CPQ: variants seen among roughly 807,000 people sequenced by gnomAD.
The protein encoded by CPQ is Ser-Met dipeptidase.
A neutral mutation model predicts 45.7 loss-of-function variants in CPQ; 37 were observed. The observed-to-expected ratio is 0.81, with a 90% CI of 0.62 to 1.07. The LOEUF is 1.07. Ranked by LOEUF, CPQ falls within the 50% of genes least tolerant of loss-of-function variation. The pLI is 0.00. For synonymous variants in CPQ, 186 were observed against 205.8 expected (o/e 0.90, Z 0.82); for missense variants, 537 against 572.9 (o/e 0.94, Z 0.64).
intron 1 of CPQ, among the ~76,000 whole-genome samples, chr8:96,664,780 T>G (rs766638451): frequency 1.3e-5 from 2 of 152,186 alleles, no homozygotes; most frequent in Non-Finnish European, 2.9e-5. Context: ...TTTGTGTGGA[T>G]AGAAGTACAA....
chr8:96,785,331 G>T lies in CPQ; in HGVS notation c.433+1G>T. The T allele has an allele frequency of 6.3e-7, 1 of 1,578,592 alleles. No homozygotes were observed. Among genetic ancestry groups the T allele is most frequent in the Non-Finnish European group, 8.6e-7 (1 of 1,161,946 alleles). ...AGCAGCATTGGGACTCCTCCAGAAG[G>T]TATTGTTTGTCTTTTCAGTTTGATT... is the stretch of plus-strand genomic sequence containing the variant. On this transcript the variant is annotated splice_donor_variant, in intron 2 of 7. Coordinates refer to ENST00000220763, the MANE Select transcript of CPQ (RefSeq NM_016134.4). LOFTEE classifies it high-confidence loss of function.
chr8:96,768,909 T>C (rs183578693), intron 1 of CPQ, among the ~76,000 whole-genome samples: 350 of 152,334 alleles, frequency 2.3e-3, no homozygotes, highest in Middle Eastern at 0.01. Flanking sequence ...GAACTTGTTA[T>C]TAACTAGTTT....
chr8:97,053,015 A>T (rs1441898344), intron 6 of CPQ, among the ~76,000 whole-genome samples: 1 of 152,206 alleles, frequency 6.6e-6, no homozygotes, highest in Non-Finnish European at 1.5e-5. Flanking sequence ...TGAAAAACTG[A>T]TGTTATTTTA....
intron 1 of CPQ, among the ~76,000 whole-genome samples, chr8:96,753,053 T>C (rs1338424932): frequency 6.6e-6 from 1 of 152,196 alleles, no homozygotes. Flanking sequence ...CATTTAATTC[T>C]AAAATGTATT....
chr8:96,736,228 T>C (rs917850923), intron 1 of CPQ, among the ~76,000 whole-genome samples: 1 of 152,214 alleles, frequency 6.6e-6, no homozygotes, highest in Admixed American at 6.5e-5. Context: ...GAACTCAGCT[T>C]AATGTGGTTA....
At chr8:96,882,667 A>G (rs934951066) in intron 4 of CPQ, among the ~76,000 whole-genome samples, 2 of 152,142 alleles carry the variant, frequency 1.3e-5, no homozygotes, top group Non-Finnish European at 2.9e-5. Flanking sequence ...CAGAGGGCTG[A>G]GATAGTGCTG....
chr8:96,679,192 G>A (rs538961044), intron 1 of CPQ, among the ~76,000 whole-genome samples: 14 of 152,100 alleles, frequency 9.2e-5, no homozygotes, highest in Admixed American at 8.5e-4. Context: ...TATGGTCTTT[G>A]TCCCTCATTC....
chr8:96,828,333 A>G (rs1479152738), intron 2 of CPQ, among the ~76,000 whole-genome samples: 1 of 151,986 alleles, frequency 6.6e-6, no homozygotes, highest in Admixed American at 6.6e-5. Flanking sequence ...CAAGTCTCCC[A>G]TGTGATATCA....
intron 4 of CPQ, among the ~76,000 whole-genome samples, chr8:96,892,151 T>C (rs1157361320): frequency 6.6e-6 from 1 of 152,246 alleles, no homozygotes; most frequent in African/African-American, 2.4e-5. Context: ...AATGTATATG[T>C]GTTTTTAGAA....
chr8:96,809,703 A>C (rs577520803), intron 2 of CPQ, among the ~76,000 whole-genome samples: 2 of 152,258 alleles, frequency 1.3e-5, no homozygotes, highest in East Asian at 3.9e-4. Context: ...AAATCTATGG[A>C]ATTGTATACT....
chr8:96,839,153 T>C (rs1359020561), intron 3 of CPQ, among the ~76,000 whole-genome samples: 1 of 151,992 alleles, frequency 6.6e-6, no homozygotes, highest in Non-Finnish European at 1.5e-5. Context: ...GAGAATCCCC[T>C]GGAGGGTAGT....
chr8:96,738,610 C>A (rs1810029025), intron 1 of CPQ, among the ~76,000 whole-genome samples: 1 of 152,066 alleles, frequency 6.6e-6, no homozygotes, highest in Admixed American at 6.5e-5. Context: ...TCCCTCCCCA[C>A]TCCCCCCAAC....
chr8:96,727,818 G>T (rs570437072), intron 1 of CPQ, among the ~76,000 whole-genome samples: 10 of 152,158 alleles, frequency 6.6e-5, no homozygotes, highest in African/African-American at 2.4e-4. Flanking sequence ...TCTCCTTATG[G>T]GGTTGCTCCC....
intron 6 of CPQ, among the ~76,000 whole-genome samples, chr8:97,054,288 G>A (rs570231286): frequency 2.2e-4 from 34 of 152,276 alleles, no homozygotes; most frequent in Admixed American, 2.0e-3. Flanking sequence ...TGTTGTCGTG[G>A]ATGTGGTGAA....
intron 3 of CPQ, among the ~76,000 whole-genome samples, chr8:96,838,875 G>GTAC (rs1337919353): frequency 1.3e-5 from 2 of 152,064 alleles, no homozygotes; most frequent in African/African-American, 4.8e-5. Flanking sequence ...AACTTTTAGG[G>GTAC]TACTTTGCTC....
At chr8:96,752,252 T>C (rs1810272327) in intron 1 of CPQ, among the ~76,000 whole-genome samples, 1 of 152,226 alleles carries the variant, frequency 6.6e-6, no homozygotes, top group South Asian at 2.1e-4. Context: ...TGATTCCTCC[T>C]ATCCATGAGC....
intron 4 of CPQ, among the ~76,000 whole-genome samples, chr8:96,929,972 C>T (rs1176349691): frequency 6.6e-6 from 1 of 151,972 alleles, no homozygotes. Context: ...AGAAAGAACC[C>T]CAGCTGGAGC....
intron 6 of CPQ, among the ~76,000 whole-genome samples, chr8:97,046,079 T>C (rs539070083): frequency 6.6e-6 from 1 of 152,264 alleles, no homozygotes. Context: ...TGATCATTCC[T>C]GAGTATATTA....
chr8:97,070,710 A>T (rs1355335458), intron 7 of CPQ, among the ~76,000 whole-genome samples: 1 of 152,218 alleles, frequency 6.6e-6, no homozygotes, highest in East Asian at 1.9e-4. Context: ...CACACATAAA[A>T]TGGTGAATTG....
Sources: gnomAD v4.1 joint callset for allele counts (sites outside exome capture counted in the v4.1 genomes callset) on GRCh38, gnomAD v4.1.1 for gene constraint, MANE v1.5 for transcripts, NCBI Gene and HGNC (gene_info 2026-07-23, HGNC 2026-07-21) for gene names.